Variants in IQGAP2 observed in about 807,000 individuals in gnomAD.
IQGAP2 encodes ras GTPase-activating-like protein IQGAP2.
Under a neutral mutation model 201.3 loss-of-function variants are expected in IQGAP2, and 173 were observed. That is an observed-to-expected ratio of 0.86 (90% confidence interval 0.76 to 0.98). The LOEUF (loss-of-function observed/expected upper bound fraction) is 0.98, where lower values mean the gene tolerates loss of function less well. Among genes scored for constraint, IQGAP2 ranks in the 50% least tolerant of loss-of-function variants. The pLI is 0.00. For missense variants in IQGAP2, 1,687 were observed against 1,864.8 expected, an observed-to-expected ratio of 0.90 and a Z score of 1.76; for synonymous variants, 675 against 673.9, an observed-to-expected ratio of 1.00 and a Z score of -0.03.
At chr5:76,518,329 G>A (rs1433972692) in intron 2 of IQGAP2, among the ~76,000 whole-genome samples, 1 of 152,182 alleles carries the variant, frequency 6.6e-6, no homozygotes, top group East Asian at 1.9e-4. Context: ...ATTGCAGACG[G>A]CAAGGAGGAG....
At chr5:76,485,466 T>TC (rs932107644) in intron 2 of IQGAP2, among the ~76,000 whole-genome samples, 3 of 152,192 alleles carry the variant, frequency 2.0e-5, no homozygotes, top group Non-Finnish European at 4.4e-5. Flanking sequence ...AAACCTTTTT[T>TC]CCCCCCTTGG....
At chr5:76,511,532 C>T (rs1330394854) in intron 2 of IQGAP2, among the ~76,000 whole-genome samples, 1 of 152,180 alleles carries the variant, frequency 6.6e-6, no homozygotes, top group Non-Finnish European at 1.5e-5. Context: ...AAAGTTAAGA[C>T]AGTAGGGAAC....
chr5:76,618,518 C>T (rs749677052), intron 13 of IQGAP2: 156 of 1,614,044 alleles, frequency 9.7e-5, no homozygotes, highest in Non-Finnish European at 1.3e-4. Context: ...TTACAGTAAT[C>T]GTGGCTCCTG....
At chr5:76,580,033 T>C (rs897851923) in intron 5 of IQGAP2, among the ~76,000 whole-genome samples, 2 of 152,182 alleles carry the variant, frequency 1.3e-5, no homozygotes, top group African/African-American at 4.8e-5. Flanking sequence ...CCCAGCACTT[T>C]GGGAGGCTGA....
chr5:76,461,850 C>T (rs568855601), intron 2 of IQGAP2, among the ~76,000 whole-genome samples, 181 bp downstream of exon 2: 9 of 152,320 alleles, frequency 5.9e-5, no homozygotes, highest in South Asian at 2.1e-4. Flanking sequence ...TTGGCCAAAC[C>T]TCCCATGCCA....
chr5:76,623,200 G>T, intron 13 of IQGAP2: 1 of 1,614,188 alleles, frequency 6.2e-7, no homozygotes. Context: ...AGAAGCAGGA[G>T]GCCAGCAGCT....
At chr5:76,706,727 A>C (rs1378757462) in intron 35 of IQGAP2, among the ~76,000 whole-genome samples, 1 of 152,230 alleles carries the variant, frequency 6.6e-6, no homozygotes, top group East Asian at 1.9e-4. Flanking sequence ...TTGAAATTAT[A>C]TATCTGACAT....
intron 2 of IQGAP2, among the ~76,000 whole-genome samples, chr5:76,481,697 T>A (rs1327904498): frequency 1.3e-5 from 2 of 152,198 alleles, no homozygotes; most frequent in Non-Finnish European, 2.9e-5. Flanking sequence ...TGTACAAAAA[T>A]ATTAATGAGA....
At chr5:76,662,582 CT>C (rs1464745642) in intron 21 of IQGAP2, among the ~76,000 whole-genome samples, 1 of 152,174 alleles carries the variant, frequency 6.6e-6, no homozygotes, top group African/African-American at 2.4e-5. Context: ...TAGATTTATT[CT>C]GTGTATTTGA....
chr5:76,634,025 T>C (rs1483463874), intron 15 of IQGAP2, among the ~76,000 whole-genome samples: 1 of 152,096 alleles, frequency 6.6e-6, no homozygotes, highest in Non-Finnish European at 1.5e-5. Flanking sequence ...TTCATGGATA[T>C]ATCTTTTCGT....
chr5:76,461,652 C>G lies in IQGAP2; in HGVS notation c.129C>G (p.His43Gln). The G allele has an allele frequency of 6.2e-7, 1 of 1,613,224 alleles. No individual in the cohort carries two copies. The highest frequency in any genetic ancestry group is 8.5e-7 in the Non-Finnish European group (1 of 1,179,206). ...ACATTGCTTATGAATATCTGTGCCA[C>G]TTAGAGGAAGCCAAAAGGTAAGATC... is the stretch of plus-strand genomic sequence containing the variant. ...RQNIAYEYLC[H>Q]LEEAKRWMEV... Residue 43 changes from histidine to glutamine, a missense_variant, in exon 2 of 36, where the codon CAC (histidine) becomes CAG (glutamine). Physicochemically the swap from His to Gln is conservative, Grantham distance 24. Coordinates refer to ENST00000274364, the MANE Select transcript of IQGAP2 (RefSeq NM_006633.5).
intron 2 of IQGAP2, among the ~76,000 whole-genome samples, chr5:76,523,730 A>T (rs1283905738): frequency 2.0e-5 from 3 of 152,132 alleles, no homozygotes; most frequent in African/African-American, 7.2e-5. Context: ...GAAGAGAAAA[A>T]TTTTCATCTA....
chr5:76,508,576 C>G (rs1474801037), intron 2 of IQGAP2, among the ~76,000 whole-genome samples: 1 of 151,860 alleles, frequency 6.6e-6, no homozygotes, highest in Admixed American at 6.6e-5. Context: ...GGTTTGGTGG[C>G]TCACCCCCAT....
rs976253420 is a variant in IQGAP2 at position 76,661,638 on chromosome 5, G to T, written c.2529+2971G>T. 2.0e-5 allele frequency among the ~76,000 whole-genome samples: 3 copies of T among 152,086 alleles called. No homozygotes were observed. In the South Asian group the frequency reaches 6.2e-4, roughly 31 times the overall value. On this transcript the variant is annotated intron_variant, in intron 21 of 35. Coordinates refer to ENST00000274364, the MANE Select transcript of IQGAP2 (RefSeq NM_006633.5). ...TCTCTCTGAGTGTGTTTTCTTCCCT[G>T]GAAAATGTTCTAGGTGATTTACATA...
chr5:76,507,960 G>A (rs1462748062), intron 2 of IQGAP2, among the ~76,000 whole-genome samples: 4 of 138,108 alleles, frequency 2.9e-5, no homozygotes, highest in African/African-American at 8.4e-5. Context: ...CCAAGATCGC[G>A]CCACTGCACC....
rs778833520 is a variant in IQGAP2 at position 76,668,796 on chromosome 5, A to G, written c.2795A>G (p.Glu932Gly). 1 of 1,607,046 alleles carries G rather than the reference A, an allele frequency of 6.2e-7. No individual in the cohort carries two copies. Among genetic ancestry groups the G allele is most frequent in the Non-Finnish European group, 8.5e-7 (1 of 1,176,172 alleles). Residue 932 changes from glutamate (E) to glycine (G), a missense_variant, in exon 23 of 36, where the codon GAA becomes GGA. Physicochemically the swap from Glu to Gly is moderately conservative, Grantham distance 98. Transcript: ENST00000274364. ...LYNYASNQREEYLLLKLFKTA... is the reference protein window; with the variant it reads ...LYNYASNQREGYLLLKLFKTA... The stretch of plus-strand genomic sequence containing the variant: ...AATTATGCCTCTAATCAGCGAGAAG[A>G]ATATCTACTTCTCAAGCTTTTTAAA...
chr5:76,667,877 C>CT (rs540744402), intron 22 of IQGAP2, among the ~76,000 whole-genome samples: 1,675 of 123,248 alleles, frequency 0.014, 74 homozygotes, highest in African/African-American at 0.038. Flanking sequence ...AGTCCACTTT[C>CT]TTTTTTTTTT....
At chr5:76,581,410 G>A (rs1435252754) in intron 5 of IQGAP2, among the ~76,000 whole-genome samples, 1 of 152,222 alleles carries the variant, frequency 6.6e-6, no homozygotes, top group Non-Finnish European at 1.5e-5. Flanking sequence ...TCTCAGAAGG[G>A]ATATCTGGAG....
intron 2 of IQGAP2, among the ~76,000 whole-genome samples, chr5:76,535,159 AG>A (rs1759543761): frequency 6.6e-6 from 1 of 152,166 alleles, no homozygotes; most frequent in Admixed American, 6.5e-5. Context: ...ATGCTGTGGG[AG>A]GATTTTAAGC....
Sources: gnomAD v4.1 joint callset for allele counts (sites outside exome capture counted in the v4.1 genomes callset) on GRCh38, gnomAD v4.1.1 for gene constraint, MANE v1.5 for transcripts, NCBI Gene and HGNC (gene_info 2026-07-23, HGNC 2026-07-21) for gene names.